GPC6: variants seen among roughly 807,000 people sequenced by gnomAD.
GPC6 encodes the protein glypican 6.
A neutral mutation model predicts 55.2 loss-of-function variants in GPC6; 14 were observed. That is an observed-to-expected ratio of 0.25 (90% CI 0.17 to 0.40). The LOEUF (loss-of-function observed/expected upper bound fraction) is 0.40. Ranked by LOEUF, GPC6 falls within the 10% of genes least tolerant of loss-of-function variation. GPC6 has a pLI of 1.00. For missense variants in GPC6, 641 were observed against 708.5 expected (o/e 0.90, Z 1.08); for synonymous variants, 278 against 259.6 (o/e 1.07, Z -0.68).
At chr13:93,303,811 G>A (rs893025060) in intron 1 of GPC6, among the ~76,000 whole-genome samples, 1 of 151,390 alleles carries the variant, frequency 6.6e-6, no homozygotes, top group African/African-American at 2.4e-5. Flanking sequence ...CGTCCATAGA[G>A]TTTCAATAAA....
chr13:93,802,031 C>A (rs565709203), intron 2 of GPC6, among the ~76,000 whole-genome samples: 1 of 152,018 alleles, frequency 6.6e-6, no homozygotes. Context: ...TAAATTTCCC[C>A]CTTTGAGTAG....
At chr13:93,930,315 A>G (rs1010734276) in intron 3 of GPC6, among the ~76,000 whole-genome samples, 2 of 132,048 alleles carry the variant, frequency 1.5e-5, no homozygotes, top group Admixed American at 1.8e-4. Flanking sequence ...TCTGTCACCC[A>G]TGCTGGAGTG....
intron 1 of GPC6, among the ~76,000 whole-genome samples, chr13:93,466,034 T>C (rs1312732092): frequency 6.6e-6 from 1 of 152,086 alleles, no homozygotes; most frequent in Non-Finnish European, 1.5e-5. Context: ...ATAATTACAA[T>C]AATAACATCA....
At chr13:93,480,980 C>T (rs914556510) in intron 1 of GPC6, among the ~76,000 whole-genome samples, 1 of 152,062 alleles carries the variant, frequency 6.6e-6, no homozygotes, top group East Asian at 1.9e-4. Flanking sequence ...GTGGATCGTA[C>T]GGTAGTTCCA....
At chr13:93,770,970 ATG>A (rs147487475) in intron 2 of GPC6, among the ~76,000 whole-genome samples, 9,716 of 152,042 alleles carry the variant, frequency 0.064, 419 homozygotes, top group Middle Eastern at 0.099. Flanking sequence ...GTAGCAGAGG[ATG>A]TGCTTTGTAA....
At chr13:93,919,112 T>A (rs1877438858) in intron 3 of GPC6, among the ~76,000 whole-genome samples, 1 of 151,990 alleles carries the variant, frequency 6.6e-6, no homozygotes, top group African/African-American at 2.4e-5. Flanking sequence ...AGTCAGTACC[T>A]CCTCCCTCTC....
chr13:94,105,644 T>C (rs1262601076), intron 4 of GPC6, among the ~76,000 whole-genome samples: 1 of 152,022 alleles, frequency 6.6e-6, no homozygotes, highest in Non-Finnish European at 1.5e-5. Context: ...TCAGGAACTT[T>C]GGAGCCACAA....
At chr13:94,233,142 G>A (rs1029619117) in intron 4 of GPC6, among the ~76,000 whole-genome samples, 3 of 151,742 alleles carry the variant, frequency 2.0e-5, no homozygotes, top group Non-Finnish European at 2.9e-5. Context: ...TTAAAAACTT[G>A]TAGGGAAACA....
chr13:93,267,796 A>G (rs1483549548), intron 1 of GPC6, among the ~76,000 whole-genome samples: 1 of 152,194 alleles, frequency 6.6e-6, no homozygotes. Context: ...TCATATACCT[A>G]CATTTTCATC....
intron 2 of GPC6, among the ~76,000 whole-genome samples, chr13:93,622,463 A>G (rs1255898975): frequency 6.6e-6 from 1 of 150,638 alleles, no homozygotes; most frequent in Non-Finnish European, 1.5e-5. Context: ...CTGTAGGTTA[A>G]AGATACATGA....
rs116586948 is a variant in GPC6 at position 93,546,624 on chromosome 13, C to G, written c.319+1203C>G. 4.8e-3 allele frequency among the ~76,000 whole-genome samples: 729 copies of G among 152,258 alleles called. 5 individuals are homozygous for G. The highest frequency in any genetic ancestry group is 0.017 in the African/African-American group (691 of 41,546). On this transcript the variant is annotated intron_variant, in intron 2 of 8. Coordinates refer to ENST00000377047, the MANE Select transcript of GPC6 (RefSeq NM_005708.5). Reference sequence around the variant, plus strand: ...AAATAATTTTTATTTAGCGGTGATGCTGTGAATGTTGTTCCCTTAAATGCA... The same window carrying G: ...AAATAATTTTTATTTAGCGGTGATGGTGTGAATGTTGTTCCCTTAAATGCA...
intron 6 of GPC6, among the ~76,000 whole-genome samples, chr13:94,310,702 C>T (rs1184886327): frequency 6.6e-6 from 1 of 152,014 alleles, no homozygotes; most frequent in Non-Finnish European, 1.5e-5. Flanking sequence ...ACATAGCCAA[C>T]TTGTTTAGTC....
intron 4 of GPC6, among the ~76,000 whole-genome samples, chr13:94,201,634 G>A (rs773819660): frequency 1.3e-5 from 2 of 152,048 alleles, no homozygotes; most frequent in African/African-American, 2.4e-5. Flanking sequence ...AGCATCAGCT[G>A]ATCAATAAAA....
At position 94,339,751 on chromosome 13, in the gene GPC6, CTTTTTTTTTTT is replaced by C. The variant is rs56074677; in HGVS notation, c.1152+33647_1152+33657del. On this transcript the variant is annotated intron_variant, in intron 6 of 8. Coordinates refer to ENST00000377047, the MANE Select transcript of GPC6 (RefSeq NM_005708.5). ...TTAAGTCTGCAACCTGCATACTTTC[CTTTTTTTTTTT>C]TTTTTTTTTTTTTTTTTTGAGACAG... is the stretch of plus-strand genomic sequence containing the variant. 1.3e-3 allele frequency among the ~76,000 whole-genome samples: 84 copies of C among 63,818 alleles called. 2 individuals are homozygous for C. The highest frequency in any genetic ancestry group is 5.3e-3 in the African/African-American group (77 of 14,652). The allele number at this position is 63,818 out of a possible 152,430, so 41.9% of individuals were successfully genotyped here.
chr13:94,138,018 G>A (rs899319527), intron 4 of GPC6, among the ~76,000 whole-genome samples: 21 of 152,138 alleles, frequency 1.4e-4, no homozygotes, highest in Non-Finnish European at 2.2e-4. Context: ...CCATATTTAA[G>A]AGGCATTCTT....
chr13:93,346,638 A>C (rs1880440028), intron 1 of GPC6, among the ~76,000 whole-genome samples: 1 of 152,182 alleles, frequency 6.6e-6, no homozygotes, highest in Admixed American at 6.6e-5. Context: ...GGGTGGAATA[A>C]ATGAATACAT....
chr13:94,270,107 G>C (rs188080798), intron 4 of GPC6, among the ~76,000 whole-genome samples: 7 of 152,240 alleles, frequency 4.6e-5, no homozygotes, highest in African/African-American at 1.7e-4. Context: ...TGGAATCAGA[G>C]CTATATTTTT....
At position 94,348,497 on chromosome 13, in the gene GPC6, C is replaced by T. The variant is rs931927557; in HGVS notation, c.1153-33917C>T. On this transcript the variant is annotated intron_variant, in intron 6 of 8. Transcript: ENST00000377047. ...ATAAGGCCAATGCTGCTAGTTTCCT[C>T]GAGTGGGAAGGATCTAGGAAACTCC... Among the ~76,000 whole-genome samples, 9 of 152,204 alleles carry T rather than the reference C, an allele frequency of 5.9e-5. 1 individual carries two copies. The South Asian group carries it at 1.2e-3, about 21-fold the overall frequency.
At position 93,686,388 on chromosome 13, in the gene GPC6, A is replaced by G. The variant is rs2138773517; in HGVS notation, c.319+140967A>G. The stretch of plus-strand genomic sequence containing the variant: ...AAAGTTGTACATCTCTCATCTTGAC[A>G]ATATCCTTTGGCTGTCTTGAGATTA... On this transcript the variant is annotated intron_variant, in intron 2 of 8. Transcript: ENST00000377047. Among the ~76,000 whole-genome samples, 4 of 152,262 alleles carry G rather than the reference A, an allele frequency of 2.6e-5. No homozygotes were observed. The South Asian group carries it at 8.3e-4, about 32-fold the overall frequency.
Sources: allele counts gnomAD v4.1 joint callset (sites outside exome capture counted in the v4.1 genomes callset), GRCh38; gene constraint gnomAD v4.1.1; transcripts MANE v1.5; gene names NCBI Gene and HGNC (gene_info 2026-07-23, HGNC 2026-07-21).